The following PRDM5 variants were observed in gnomAD, a reference collection of about 807,000 sequenced individuals.
The protein encoded by PRDM5 is PR/SET domain 5.
A neutral mutation model predicts 81.2 loss-of-function variants in PRDM5; 56 were observed. That is an observed-to-expected ratio of 0.69 (90% confidence interval 0.56 to 0.86). The LOEUF is 0.86. Among genes scored for constraint, PRDM5 ranks in the 40% least tolerant of loss-of-function variants. The pLI is 0.00. For missense variants in PRDM5, 697 were observed against 770.1 expected (o/e 0.91, Z 1.12); for synonymous variants, 267 against 256.4 (o/e 1.04, Z -0.39).
intron 13 of PRDM5, among the ~76,000 whole-genome samples, chr4:120,767,984 A>G (rs985928866): frequency 5.9e-5 from 9 of 152,268 alleles, no homozygotes; most frequent in Admixed American, 5.9e-4. Flanking sequence ...GGCCTCCCCA[A>G]CCATGTGGAA....
chr4:120,795,676 G>C lies in PRDM5; in HGVS notation c.1188+2591C>G, dbSNP rs534899451. 7.9e-5 allele frequency among the ~76,000 whole-genome samples: 12 copies of C among 152,172 alleles called. No individual in the cohort carries two copies. In the East Asian group the frequency reaches 2.3e-3, roughly 29 times the overall value. On this transcript the variant is annotated intron_variant, in intron 10 of 15. Coordinates refer to ENST00000264808, the MANE Select transcript of PRDM5 (RefSeq NM_018699.4). ...ACCTGTAATCCCAGCACTTTGGGAG[G>C]CCGAGGTAGGCAGATTGCTTGAGGT...
At chr4:120,876,940 A>C (rs951938251) in intron 2 of PRDM5, among the ~76,000 whole-genome samples, 2 of 152,220 alleles carry the variant, frequency 1.3e-5, no homozygotes, top group Non-Finnish European at 2.9e-5. Flanking sequence ...CTTAAAAACA[A>C]AACAAACTCT....
downstream of PRDM5, among the ~76,000 whole-genome samples, chr4:120,689,912 G>A (rs576622803): frequency 3.3e-5 from 5 of 152,184 alleles, no homozygotes; most frequent in East Asian, 9.7e-4. Context: ...ACCGTGTCCA[G>A]CCTCAAAATT....
At chr4:120,906,457 A>G (rs1015684382) in intron 2 of PRDM5, among the ~76,000 whole-genome samples, 5 of 152,180 alleles carry the variant, frequency 3.3e-5, no homozygotes, top group African/African-American at 1.2e-4. Flanking sequence ...TTGATGACGC[A>G]TTTCTTAGAA....
chr4:120,705,306 T>C (rs1735949795), intron 15 of PRDM5, among the ~76,000 whole-genome samples: 2 of 152,166 alleles, frequency 1.3e-5, no homozygotes, highest in Non-Finnish European at 2.9e-5. Context: ...ATTGAGCTTA[T>C]AATAAATGAT....
intron 13 of PRDM5, among the ~76,000 whole-genome samples, chr4:120,758,132 C>T (rs552202571): frequency 6.6e-6 from 1 of 152,248 alleles, no homozygotes; most frequent in South Asian, 2.1e-4. Context: ...TCTGGCTTTC[C>T]TTGGTCTCTT....
intron 3 of PRDM5, among the ~76,000 whole-genome samples, chr4:120,833,962 G>T (rs544528174): frequency 3.7e-4 from 56 of 152,136 alleles, no homozygotes; most frequent in Non-Finnish European, 7.2e-4. Context: ...GCTCATTAAA[G>T]TAGGGAAAAC....
chr4:120,849,066 A>G (rs1206600921), intron 3 of PRDM5, among the ~76,000 whole-genome samples: 2 of 152,198 alleles, frequency 1.3e-5, no homozygotes. Flanking sequence ...TGGAAAAGCC[A>G]TCATTTTGCA....
chr4:120,732,153 C>T (rs1205185590), intron 14 of PRDM5, among the ~76,000 whole-genome samples: 1 of 151,964 alleles, frequency 6.6e-6, no homozygotes, highest in African/African-American at 2.4e-5. Flanking sequence ...AGACTGGTAG[C>T]TGAACATAAA....
At chr4:120,896,981 C>G (rs1180391575) in intron 2 of PRDM5, 1 of 151,518 alleles carries the variant, frequency 6.6e-6, no homozygotes, top group African/African-American at 2.4e-5. Flanking sequence ...CCATGCGCAG[C>G]CTTCCTATAG....
intron 14 of PRDM5, among the ~76,000 whole-genome samples, chr4:120,712,973 T>C (rs1027415052): frequency 9.2e-5 from 14 of 152,214 alleles, no homozygotes; most frequent in Admixed American, 5.2e-4. Context: ...TGTACCTAGA[T>C]GTGGGACTGA....
chr4:120,727,004 C>T (rs1250851419), intron 14 of PRDM5, among the ~76,000 whole-genome samples: 1 of 152,140 alleles, frequency 6.6e-6, no homozygotes, highest in Non-Finnish European at 1.5e-5. Context: ...TGGTGATAAA[C>T]TGTCCCGCAT....
intron 13 of PRDM5, among the ~76,000 whole-genome samples, chr4:120,767,440 C>A (rs1476057626): frequency 6.6e-6 from 1 of 152,006 alleles, no homozygotes; most frequent in Non-Finnish European, 1.5e-5. Flanking sequence ...TATTTGATAT[C>A]ATAAAAAAGA....
chr4:120,687,107 T>C (rs1457717052), downstream of PRDM5, among the ~76,000 whole-genome samples: 2 of 152,052 alleles, frequency 1.3e-5, no homozygotes, highest in Non-Finnish European at 2.9e-5. Context: ...TAAACGTACT[T>C]ATTTTTAGAA....
At chr4:120,782,135 C>T (rs746409007) in intron 11 of PRDM5, among the ~76,000 whole-genome samples, 4 of 152,116 alleles carry the variant, frequency 2.6e-5, no homozygotes, top group Non-Finnish European at 5.9e-5. Flanking sequence ...AATACAATTT[C>T]AGCAATGAAT....
chr4:120,790,872 G>A (rs1423894239), intron 10 of PRDM5, among the ~76,000 whole-genome samples: 3 of 152,158 alleles, frequency 2.0e-5, no homozygotes, highest in Non-Finnish European at 4.4e-5. Context: ...GAGCCTTGGA[G>A]GTGGAGGCTG....
intron 14 of PRDM5, among the ~76,000 whole-genome samples, chr4:120,732,290 T>C (rs1388270871): frequency 2.0e-5 from 3 of 152,240 alleles, no homozygotes; most frequent in Non-Finnish European, 2.9e-5. Flanking sequence ...CAGTACATAG[T>C]ATATAATGAT....
intron 2 of PRDM5, among the ~76,000 whole-genome samples, chr4:120,906,678 C>A (rs1765831976): frequency 6.6e-6 from 1 of 152,072 alleles, no homozygotes; most frequent in Non-Finnish European, 1.5e-5. Context: ...ATATACAGAT[C>A]TCTGCTTAAG....
chr4:120,848,406 A>T (rs1315220928), intron 3 of PRDM5, among the ~76,000 whole-genome samples: 1 of 152,176 alleles, frequency 6.6e-6, no homozygotes, highest in Non-Finnish European at 1.5e-5. Flanking sequence ...CAATGAAGAC[A>T]TATAATCTGG....
Sources: gnomAD v4.1 joint callset for allele counts (sites outside exome capture counted in the v4.1 genomes callset) on GRCh38, gnomAD v4.1.1 for gene constraint, MANE v1.5 for transcripts, NCBI Gene and HGNC (gene_info 2026-07-23, HGNC 2026-07-21) for gene names.